Variants in LLGL1 observed in about 807,000 individuals in gnomAD.
The protein encoded by LLGL1 is LLGL scribble cell polarity complex component 1, also known as lethal(2) giant larvae protein homolog 1.
In LLGL1, 58 loss-of-function variants were observed where a neutral mutation model predicts 110.6. That is an observed-to-expected ratio of 0.52 (90% confidence interval 0.42 to 0.65). The LOEUF is 0.65. Ranked by LOEUF, LLGL1 falls within the 30% of genes least tolerant of loss-of-function variation. The pLI, the probability that LLGL1 is intolerant of heterozygous loss-of-function variation, is 0.00. For missense variants in LLGL1, 1,229 were observed against 1,462.1 expected (o/e 0.84, Z 2.60); for synonymous variants, 674 against 607.2 (o/e 1.11, Z -1.62).
rs780898751 is a variant in LLGL1, at chr17:18,234,975, A to G, written c.1042A>G (p.Ser348Gly). 1 of 1,613,974 alleles carries G rather than the reference A, an allele frequency of 6.2e-7. No individual in the cohort carries two copies. The highest frequency in any genetic ancestry group is 8.5e-7 in the Non-Finnish European group (1 of 1,180,000). The change falls in exon 9 of 23, where the codon AGC becomes GGC. Residue 348 changes from serine to glycine, a missense_variant. Ser to Gly is a moderately conservative substitution (Grantham distance 56). Transcript: ENST00000316843. ...CATCATCGACTTCTTCACAGTGCACAGCACACGGCCCGAGGATGGTGCGTG... is the reference window on the plus strand; with the variant it reads ...CATCATCGACTTCTTCACAGTGCACGGCACACGGCCCGAGGATGGTGCGTG... The part of the protein sequence containing the change: ...SRIIDFFTVH[S>G]TRPEDEFDDP...
rs745564207 is a variant in LLGL1 at position 18,238,151 on chromosome 17, T to C, written c.1989T>C (p.Ser663=). The C allele has an allele frequency of 1.7e-5, 27 of 1,613,564 alleles. No individual in the cohort carries two copies. The South Asian group carries it at 2.9e-4, about 17-fold the overall frequency. Residue 663 remains serine, a synonymous_variant, in exon 15 of 23, where the codon TCT becomes TCC. Transcript: ENST00000316843. Reference sequence around the variant, plus strand: ...CTCTCAAGAAGTCACTGCGCCAGTCTTTCCGGCGCATTCGCAAGAGTCGTG... The same window carrying C: ...CTCTCAAGAAGTCACTGCGCCAGTCCTTCCGGCGCATTCGCAAGAGTCGTG... ...VKSLKKSLRQ[S]FRRIRKSRVS...
chr17:18,230,364 G>T (rs1204306567), intron 2 of LLGL1, among the ~76,000 whole-genome samples: 1 of 152,222 alleles, frequency 6.6e-6, no homozygotes, highest in East Asian at 1.9e-4. Context: ...CAGGCAGAAG[G>T]CTGGGCTATG....
At chr17:18,232,383 G>T in intron 2 of LLGL1, 112 bp from the exon 3 acceptor site, 1 of 933,792 alleles carries the variant, frequency 1.1e-6, no homozygotes, top group Non-Finnish European at 1.6e-6. Flanking sequence ...TGGATGGTCA[G>T]GCCCATGCCG....
chr17:18,239,013 A>T (rs1212830498), intron 16 of LLGL1, among the ~76,000 whole-genome samples: 1 of 152,162 alleles, frequency 6.6e-6, no homozygotes, highest in Non-Finnish European at 1.5e-5. Flanking sequence ...CTTCTCAGAA[A>T]AAAAGCTTAC....
Position 18,237,930 on chromosome 17 carries a change from C to T in LLGL1, c.1905-137C>T, listed in dbSNP as rs1597873444. On this transcript the variant is annotated intron_variant, in intron 14 of 22. Transcript: ENST00000316843. Reference sequence around the variant, plus strand: ...GCTCCAAGAAGGACATTCTCAGTACCACCTGCAGCTGGGTCCATAGGACTG... The same window carrying T: ...GCTCCAAGAAGGACATTCTCAGTACTACCTGCAGCTGGGTCCATAGGACTG... 7.8e-6 allele frequency: 10 copies of T among 1,278,936 alleles called. No individual in the cohort carries two copies. In the East Asian group the frequency reaches 2.2e-4, roughly 29 times the overall value. The allele number at this position is 1,278,936 out of a possible 1,614,324, so 79.2% of individuals were successfully genotyped here.
At chr17:18,227,876 A>T (rs1156453612) in intron 1 of LLGL1, among the ~76,000 whole-genome samples, 2 of 152,138 alleles carry the variant, frequency 1.3e-5, no homozygotes, top group African/African-American at 4.8e-5. Context: ...TAGTCACCTA[A>T]GTGGGTAATA....
intron 2 of LLGL1, 116 bp downstream of exon 2, chr17:18,230,154 C>A: frequency 1.4e-6 from 1 of 735,574 alleles, no homozygotes; most frequent in Non-Finnish European, 2.2e-6. Context: ...CAGAGGTGCT[C>A]TGATGGGCAG....
Position 18,242,498 on chromosome 17 carries a change from C to T in LLGL1, c.2996-10C>T. The T allele has an allele frequency of 6.2e-7, 1 of 1,613,864 alleles. No individual in the cohort carries two copies. Among genetic ancestry groups the T allele is most frequent in the East Asian group, 2.2e-5 (1 of 44,880 alleles). On this transcript the variant is annotated splice_polypyrimidine_tract_variant and intron_variant, in intron 20 of 22. Coordinates refer to ENST00000316843, the MANE Select transcript of LLGL1 (RefSeq NM_004140.4). Reference sequence around the variant, plus strand: ...GGTCCTGGTAGGGGCTGATGACTTGCTCCCTGTAGACACCCCGGAGCCACC... The same window carrying T: ...GGTCCTGGTAGGGGCTGATGACTTGTTCCCTGTAGACACCCCGGAGCCACC...
intron 22 of LLGL1, 115 bp downstream of exon 22, chr17:18,242,937 T>C: frequency 1.0e-6 from 1 of 982,890 alleles, no homozygotes; most frequent in South Asian, 1.7e-5. Flanking sequence ...GCCCATGTGA[T>C]GGCACTCTCT....
chr17:18,242,258 C>T lies in LLGL1; in HGVS notation c.2975C>T (p.Pro992Leu), dbSNP rs1391788447. 3.7e-6 allele frequency: 6 copies of T among 1,613,848 alleles called. No homozygotes were observed. In the African/African-American group the frequency reaches 6.7e-5, roughly 18 times the overall value. The part of the protein sequence containing the change: ...APQSLDGSPD[P>L]AHSMGPDTPE... ...CAGAGCCTTGATGGAAGCCCTGATC[C>T]AGCCCACAGCATGGGACCTGGTGAG... Residue 992 changes from proline to leucine, a missense_variant, in exon 20 of 23, where the codon CCA becomes CTA. By Grantham distance (98) the Pro-to-Leu change is moderately conservative. Coordinates refer to ENST00000316843, the MANE Select transcript of LLGL1 (RefSeq NM_004140.4).
Position 18,236,726 on chromosome 17 carries a change from AG to A in LLGL1, c.1474del (p.Ala492LeufsTer66). 1 of 1,612,448 alleles carries A rather than the reference AG, an allele frequency of 6.2e-7. No individual in the cohort carries two copies. Among genetic ancestry groups the A allele is most frequent in the Non-Finnish European group, 8.5e-7 (1 of 1,180,004 alleles). On this transcript the variant is annotated frameshift_variant, in exon 12 of 23. Coordinates refer to ENST00000316843, the MANE Select transcript of LLGL1 (RefSeq NM_004140.4). ...TGTGAGCACGCTGACAGCCTGGCCC[AG>A]GCTGCCGAGGACGACTGGCCACCCT... ...TDCEHADSLA[Q>X]AAEDDWPPFR...
At chr17:18,231,833 C>T (rs951505338) in intron 2 of LLGL1, among the ~76,000 whole-genome samples, 11 of 152,116 alleles carry the variant, frequency 7.2e-5, no homozygotes, top group Non-Finnish European at 4.4e-5. Flanking sequence ...CTAATTTTTG[C>T]GTTTTTAGTA....
At chr17:18,241,317 TA>T in intron 17 of LLGL1, 133 bp from the exon 18 acceptor site, 1 of 1,145,834 alleles carries the variant, frequency 8.7e-7, no homozygotes, top group South Asian at 1.5e-5. Flanking sequence ...CAGCCAGGTG[TA>T]CAGGCACGGG....
chr17:18,227,694 A>G (rs1957353371), intron 1 of LLGL1, among the ~76,000 whole-genome samples: 2 of 152,226 alleles, frequency 1.3e-5, no homozygotes, highest in Non-Finnish European at 2.9e-5. Flanking sequence ...CCTGGCCTAA[A>G]TGTCATTTCT....
chr17:18,225,807 G>T, intron 1 of LLGL1, 44 bp downstream of exon 1: 1 of 545,346 alleles, frequency 1.8e-6, no homozygotes, highest in Non-Finnish European at 2.3e-6. Context: ...GAGGGGGCGG[G>T]ACGGGGGCCT....
chr17:18,240,893 G>C lies in LLGL1; in HGVS notation c.2502+20G>C, dbSNP rs773563150. ...TTCAAGGTGAGCCACTGTGGGCTGT[G>C]GGGGACTCTGGGGGACTCCCCTCCA... On this transcript the variant is annotated intron_variant, in intron 17 of 22. Transcript: ENST00000316843. The surrounding 1 kb of genome is among the most constrained non-coding windows in gnomAD (Gnocchi z 5.3). 2.0e-6 allele frequency: 3 copies of C among 1,487,898 alleles called. No homozygotes were observed. In the African/African-American group the frequency reaches 4.2e-5, roughly 21 times the overall value. 92.2% of individuals were successfully genotyped at this position (1,487,898 alleles called of 1,614,324 possible).
At chr17:18,242,077 C>A (rs1178576356) in intron 19 of LLGL1, 78 bp downstream of exon 19, 9 of 1,541,410 alleles carry the variant, frequency 5.8e-6, no homozygotes, top group Non-Finnish European at 8.1e-6. Context: ...GATCTGCCTT[C>A]CCTGGGCTCA....
chr17:18,241,703 C>T lies in LLGL1; in HGVS notation c.2755C>T (p.Arg919Cys), dbSNP rs146676364. The T allele has an allele frequency of 4.3e-6, 7 of 1,612,870 alleles. No individual in the cohort carries two copies. The highest frequency in any genetic ancestry group is 4.0e-5 in the African/African-American group (3 of 74,936). Residue 919 changes from arginine to cysteine, a missense_variant, in exon 18 of 23, where the codon CGC becomes TGC. By Grantham distance (180) the Arg-to-Cys change is radical (BLOSUM62 -3). Coordinates refer to ENST00000316843, the MANE Select transcript of LLGL1 (RefSeq NM_004140.4). Reference protein sequence around the residue: ...ISGIASCVFTRHGQGFYLISP... With the variant: ...ISGIASCVFTCHGQGFYLISP... ...CGGCATCGCTTCGTGCGTCTTTACG[C>T]GCCATGGCCAGGGTGAGGCGGGGCA...
At chr17:18,231,949 T>G (rs2047580357) in intron 2 of LLGL1, among the ~76,000 whole-genome samples, 1 of 152,188 alleles carries the variant, frequency 6.6e-6, no homozygotes, top group Non-Finnish European at 1.5e-5. Context: ...CGAGCCACCG[T>G]GCCCAGAGGA....
Sources: gnomAD v4.1 joint callset for allele counts (sites outside exome capture counted in the v4.1 genomes callset) on GRCh38, gnomAD v4.1.1 for gene constraint, Gnocchi (gnomAD v3.1) non-coding constraint, MANE v1.5 for transcripts, NCBI Gene and HGNC (gene_info 2026-07-23, HGNC 2026-07-21) for gene names.